UBE3C: variants seen among roughly 807,000 people sequenced by gnomAD.
UBE3C encodes ubiquitin-protein ligase E3C.
Under a neutral mutation model 129.4 loss-of-function variants are expected in UBE3C, and 42 were observed. The ratio of observed to expected loss-of-function variants is 0.32; its 90% confidence interval spans 0.25 to 0.42. The LOEUF (loss-of-function observed/expected upper bound fraction) is 0.42, where lower values mean the gene tolerates loss of function less well. Ranked by LOEUF, UBE3C falls within the 10% of genes least tolerant of loss-of-function variation. The probability of loss-of-function intolerance (pLI) is 1.00; values close to 1 mark genes in which losing one functional copy is unlikely to be tolerated. For synonymous variants in UBE3C, 510 were observed against 492.4 expected (o/e 1.04, Z -0.47); for missense variants, 1,049 against 1,319.1 (o/e 0.80, Z 3.17).
intron 18 of UBE3C, among the ~76,000 whole-genome samples, chr7:157,247,874 C>T (rs536075395): frequency 1.3e-5 from 2 of 152,208 alleles, no homozygotes; most frequent in East Asian, 3.9e-4. Context: ...ATCCTAATAC[C>T]CCATCCTGTG....
At chr7:157,164,603 CTTTAT>C (rs1296433406) in intron 2 of UBE3C, 1 of 361,614 alleles carries the variant, frequency 2.8e-6, no homozygotes, top group Non-Finnish European at 5.5e-6. Context: ...CTTTAAATAG[CTTTAT>C]TTTGTTGATT....
chr7:157,207,648 G>C, intron 12 of UBE3C, 55 bp from the exon 13 acceptor site: 1 of 1,593,976 alleles, frequency 6.3e-7, no homozygotes, highest in South Asian at 1.1e-5. Context: ...AAGTCTTTCA[G>C]TGTGTGTTAA....
intron 10 of UBE3C, among the ~76,000 whole-genome samples, chr7:157,187,395 T>TTC (rs1563047427): frequency 7.9e-5 from 12 of 151,404 alleles, no homozygotes. Context: ...TTTTTTTTCT[T>TTC]CTTCTTCTTC....
At chr7:157,242,510 A>T (rs1796357839) in intron 18 of UBE3C, among the ~76,000 whole-genome samples, 3 of 103,864 alleles carry the variant, frequency 2.9e-5, no homozygotes, top group East Asian at 5.6e-4. Flanking sequence ...ACTGAGCCTG[A>T]GTTGTTTTTT....
At position 157,187,869 on chromosome 7, in the gene UBE3C, C is replaced by G. The variant is rs577953847; in HGVS notation, c.1331+848C>G. On this transcript the variant is annotated intron_variant, in intron 10 of 22. Transcript: ENST00000348165. ...GGGATTACAGACATGAGCCACCACA[C>G]CCAGCCTTCATAGTACCCTTTTAAT... Among the ~76,000 whole-genome samples, 21 of 152,292 alleles carry G rather than the reference C, an allele frequency of 1.4e-4. 1 individual carries two copies. Among genetic ancestry groups the G allele is most frequent in the Admixed American group, 1.0e-3 (16 of 15,288 alleles).
intron 10 of UBE3C, among the ~76,000 whole-genome samples, chr7:157,199,899 T>C (rs1414003788): frequency 6.6e-6 from 1 of 152,216 alleles, no homozygotes; most frequent in Non-Finnish European, 1.5e-5. Flanking sequence ...CCAATATTAT[T>C]AAATATTTAT....
chr7:157,233,336 G>A (rs934614287), intron 18 of UBE3C, among the ~76,000 whole-genome samples: 1 of 152,140 alleles, frequency 6.6e-6, no homozygotes, highest in Admixed American at 6.5e-5. Flanking sequence ...TGCCACCTAG[G>A]CTGGAGTGCA....
At chr7:157,230,069 T>C (rs935956986) in intron 17 of UBE3C, among the ~76,000 whole-genome samples, 1 of 151,874 alleles carries the variant, frequency 6.6e-6, no homozygotes, top group Non-Finnish European at 1.5e-5. Context: ...CCACCTTGCC[T>C]GGCTAGTTTT....
At chr7:157,171,519 G>A (rs1808365232) in intron 4 of UBE3C, among the ~76,000 whole-genome samples, 1 of 151,644 alleles carries the variant, frequency 6.6e-6, no homozygotes, top group South Asian at 2.1e-4. Context: ...CTGAGGAACA[G>A]TGTGTATTAA....
intron 1 of UBE3C, among the ~76,000 whole-genome samples, chr7:157,153,828 A>AAACG (rs1807825440): frequency 6.6e-6 from 1 of 151,376 alleles, no homozygotes; most frequent in Non-Finnish European, 1.5e-5. Context: ...AATACAAAAC[A>AAACG]AACAAACAAA....
intron 10 of UBE3C, among the ~76,000 whole-genome samples, chr7:157,189,767 A>T: frequency 6.7e-6 from 1 of 149,926 alleles, no homozygotes; most frequent in Non-Finnish European, 1.5e-5. Flanking sequence ...CCTCTTTCTC[A>T]CTCTTTCCTA....
intron 11 of UBE3C, among the ~76,000 whole-genome samples, chr7:157,202,515 G>A (rs906344828): frequency 1.3e-5 from 2 of 152,126 alleles, no homozygotes; most frequent in Non-Finnish European, 2.9e-5. Flanking sequence ...AAATTAGTCG[G>A]GCATGGTGGT....
At chr7:157,155,189 A>T (rs1041615565) in intron 1 of UBE3C, among the ~76,000 whole-genome samples, 1 of 152,072 alleles carries the variant, frequency 6.6e-6, no homozygotes, top group Admixed American at 6.5e-5. Context: ...CACCCCCTCC[A>T]CACGCACACA....
At chr7:157,198,530 G>C in intron 10 of UBE3C, 1 of 326,522 alleles carries the variant, frequency 3.1e-6, no homozygotes, top group Non-Finnish European at 5.7e-6. Context: ...GGCTGTATTT[G>C]TCTTTTTTTT....
In UBE3C at chr7:157,139,310, A is replaced by C. The variant is rs1161902055; in HGVS notation, c.38A>C (p.Lys13Thr). The C allele has an allele frequency of 1.9e-6, 3 of 1,583,992 alleles. No individual in the cohort carries two copies. The East Asian group carries it at 7.0e-5, about 37-fold the overall frequency. Residue 13 changes from lysine to threonine, a missense_variant, in exon 1 of 23, where the codon AAG (lysine) becomes ACG (threonine). Lys to Thr is a moderately conservative substitution (Grantham distance 78). This residue lies in a region of UBE3C where 489 missense variants were observed against 513.8 expected (regional missense o/e 0.95). Transcript: ENST00000348165. Reference protein sequence around the residue: ...SFEGDFKTRPKVSLGGASRKE... With the variant: ...SFEGDFKTRPTVSLGGASRKE... ...GAAGGCGACTTCAAGACGCGGCCCA[A>C]GGTGTCCCTTGGCGGCGCGAGCAGG...
chr7:157,196,981 T>C (rs1349904222), intron 10 of UBE3C, among the ~76,000 whole-genome samples: 1 of 152,074 alleles, frequency 6.6e-6, no homozygotes, highest in Non-Finnish European at 1.5e-5. Flanking sequence ...AAAAAAAGAA[T>C]TGCTGAACTT....
At chr7:157,243,129 T>A (rs1584815695) in intron 18 of UBE3C, among the ~76,000 whole-genome samples, 1 of 152,120 alleles carries the variant, frequency 6.6e-6, no homozygotes, top group Non-Finnish European at 1.5e-5. Context: ...GAAGCCACTA[T>A]GAGGAAAATA....
chr7:157,149,180 C>T (rs897387300), intron 1 of UBE3C, among the ~76,000 whole-genome samples: 2 of 152,144 alleles, frequency 1.3e-5, no homozygotes, highest in South Asian at 4.1e-4. Flanking sequence ...CCTCTGCCTC[C>T]GGAGTAGCTG....
At chr7:157,246,437 A>G (rs148503899) in intron 18 of UBE3C, among the ~76,000 whole-genome samples, 1 of 152,310 alleles carries the variant, frequency 6.6e-6, no homozygotes, top group East Asian at 1.9e-4. Context: ...TTTACAGTGC[A>G]TGATATGGTT....
Sources: gnomAD v4.1 joint callset for allele counts (sites outside exome capture counted in the v4.1 genomes callset) on GRCh38, gnomAD v4.1.1 for gene constraint, gnomAD v4.1.1 regional missense constraint, MANE v1.5 for transcripts, NCBI Gene and HGNC (gene_info 2026-07-23, HGNC 2026-07-21) for gene names.